The following B3GALT1 variants were observed in gnomAD, a reference collection of about 807,000 sequenced individuals.
B3GALT1 encodes the protein UDP-Gal:betaGlcNAc beta 1,3-galactosyltransferase, polypeptide 1.
Under a neutral mutation model 23.2 loss-of-function variants are expected in B3GALT1, and 10 were observed. The ratio of observed to expected loss-of-function variants is 0.43; its 90% confidence interval spans 0.27 to 0.73. The LOEUF (loss-of-function observed/expected upper bound fraction) is 0.73. Among genes scored for constraint, B3GALT1 ranks in the 30% least tolerant of loss-of-function variants. The pLI, the probability that B3GALT1 is intolerant of heterozygous loss-of-function variation, is 0.21. For missense variants in B3GALT1, 299 were observed against 405.4 expected (o/e 0.74, Z 2.25); for synonymous variants, 156 against 141.5 (o/e 1.10, Z -0.73).
At chr2:167,364,180 A>AG (rs1574049714) in intron 1 of B3GALT1, among the ~76,000 whole-genome samples, 1 of 150,626 alleles carries the variant, frequency 6.6e-6, no homozygotes, top group Admixed American at 6.6e-5. Flanking sequence ...AAAAAAAAAA[A>AG]AAAAAAGGAA....
In B3GALT1 at chr2:167,319,886, T is replaced by C. The variant is rs944235772; in HGVS notation, c.-511+26552T>C. On this transcript the variant is annotated intron_variant, in intron 1 of 4. Coordinates refer to ENST00000392690, the MANE Select transcript of B3GALT1 (RefSeq NM_020981.4). Reference sequence around the variant, plus strand: ...AGTAAGCTAGTGAATTAGTTCAATATTCAGGCGAGAACACAGGCTCAGTAG... The same window carrying C: ...AGTAAGCTAGTGAATTAGTTCAATACTCAGGCGAGAACACAGGCTCAGTAG... 2.6e-5 allele frequency among the ~76,000 whole-genome samples: 4 copies of C among 152,092 alleles called. No individual in the cohort carries two copies. In the East Asian group the frequency reaches 7.7e-4, roughly 29 times the overall value.
chr2:167,430,778 T>G (rs1698694568), intron 1 of B3GALT1, among the ~76,000 whole-genome samples: 1 of 152,130 alleles, frequency 6.6e-6, no homozygotes, highest in Non-Finnish European at 1.5e-5. Context: ...ATCAACATTA[T>G]CATCATTATT....
rs1411777602 is a variant in B3GALT1, at chr2:167,577,036, CCTCT to C, written c.-409-69866_-409-69863del. Among the ~76,000 whole-genome samples, 11 of 151,642 alleles carry C rather than the reference CCTCT, an allele frequency of 7.3e-5. 1 individual carries two copies. The highest frequency in any genetic ancestry group is 1.5e-5 in the Non-Finnish European group (1 of 67,762). ...TCTAGGACTTTCATCACATCATTGT[CCTCT>C]CTCTCTTTTTTCCTCCTCTCCCCAT... On this transcript the variant is annotated intron_variant, in intron 2 of 4. Transcript: ENST00000392690.
At chr2:167,457,984 T>C (rs1011554401) in intron 1 of B3GALT1, among the ~76,000 whole-genome samples, 6 of 152,206 alleles carry the variant, frequency 3.9e-5, no homozygotes, top group African/African-American at 1.4e-4. Flanking sequence ...AAATTTGCCA[T>C]GTTAACAATT....
At chr2:167,496,641 C>T (rs541973204) in intron 2 of B3GALT1, among the ~76,000 whole-genome samples, 102 of 152,208 alleles carry the variant, frequency 6.7e-4, no homozygotes, top group Admixed American at 1.7e-3. Context: ...CAGGGTGTTA[C>T]GGACTGAAGT....
At chr2:167,794,407 G>A (rs1432006198) in intron 3 of B3GALT1, among the ~76,000 whole-genome samples, 1 of 152,180 alleles carries the variant, frequency 6.6e-6, no homozygotes, top group Non-Finnish European at 1.5e-5. Flanking sequence ...TTGATTTACT[G>A]TTGCATAAAA....
chr2:167,651,271 T>TGTGC (rs1182837115), intron 3 of B3GALT1, among the ~76,000 whole-genome samples: 12 of 18,448 alleles, frequency 6.5e-4, no homozygotes, highest in African/African-American at 1.0e-3. Context: ...TGTGTGTGTG[T>TGTGC]GCGCGCACGT....
intron 3 of B3GALT1, among the ~76,000 whole-genome samples, chr2:167,703,990 G>C (rs1404246944): frequency 6.6e-6 from 1 of 151,908 alleles, no homozygotes; most frequent in Non-Finnish European, 1.5e-5. Context: ...GACCTTCCTG[G>C]CTAACACGGT....
chr2:167,297,836 C>T (rs1696379330), intron 1 of B3GALT1, among the ~76,000 whole-genome samples: 1 of 152,016 alleles, frequency 6.6e-6, no homozygotes, highest in African/African-American at 2.4e-5. Context: ...TGAATTAGTG[C>T]CAACTTATTC....
chr2:167,468,546 C>T (rs1487581619), intron 1 of B3GALT1, among the ~76,000 whole-genome samples: 1 of 152,132 alleles, frequency 6.6e-6, no homozygotes, highest in South Asian at 2.1e-4. Flanking sequence ...ATTTTTCCAA[C>T]TTGACAAAGT....
intron 3 of B3GALT1, among the ~76,000 whole-genome samples, chr2:167,792,790 G>A (rs1688464875): frequency 6.6e-6 from 1 of 151,940 alleles, no homozygotes; most frequent in Non-Finnish European, 1.5e-5. Context: ...CAGACAGGGA[G>A]GTCAGTTAGA....
At chr2:167,710,140 A>C (rs1292447141) in intron 3 of B3GALT1, among the ~76,000 whole-genome samples, 1 of 152,226 alleles carries the variant, frequency 6.6e-6, no homozygotes. Flanking sequence ...GTAGACTTAA[A>C]TGTTCAAGCA....
intron 4 of B3GALT1, among the ~76,000 whole-genome samples, chr2:167,858,494 G>A (rs1690041185): frequency 6.6e-6 from 1 of 152,042 alleles, no homozygotes; most frequent in African/African-American, 2.4e-5. Flanking sequence ...TTATGTTCAT[G>A]TAGCACCATT....
chr2:167,839,468 C>A (rs1387195833), intron 4 of B3GALT1, among the ~76,000 whole-genome samples: 5 of 152,210 alleles, frequency 3.3e-5, no homozygotes, highest in Admixed American at 1.3e-4. Flanking sequence ...ATCCAACTTA[C>A]AAGGGATGTG....
intron 3 of B3GALT1, among the ~76,000 whole-genome samples, chr2:167,687,426 C>T (rs1686636361): frequency 6.6e-6 from 1 of 151,940 alleles, no homozygotes; most frequent in South Asian, 2.1e-4. Flanking sequence ...TCATTCAAGT[C>T]TATTAGAAAA....
At chr2:167,658,872 G>GATTTGTGT (rs2105470593) in intron 3 of B3GALT1, among the ~76,000 whole-genome samples, 1 of 152,154 alleles carries the variant, frequency 6.6e-6, no homozygotes, top group East Asian at 1.9e-4. Flanking sequence ...AGGCCATGTA[G>GATTTGTGT]ATTTGTGTAT....
chr2:167,591,351 C>T (rs1472325450), intron 2 of B3GALT1, among the ~76,000 whole-genome samples: 1 of 152,098 alleles, frequency 6.6e-6, no homozygotes, highest in East Asian at 1.9e-4. Context: ...CGAGGTTACA[C>T]GGATAGTGAG....
At chr2:167,853,573 TAATA>T (rs1689944960) in intron 4 of B3GALT1, among the ~76,000 whole-genome samples, 1 of 152,162 alleles carries the variant, frequency 6.6e-6, no homozygotes, top group Non-Finnish European at 1.5e-5. Flanking sequence ...ATTATAATGT[TAATA>T]AATGTTAATA....
intron 1 of B3GALT1, among the ~76,000 whole-genome samples, chr2:167,380,702 A>G (rs1697836543): frequency 6.6e-6 from 1 of 151,978 alleles, no homozygotes; most frequent in Non-Finnish European, 1.5e-5. Flanking sequence ...CCTCTCCCCA[A>G]GTTTGTTCCA....
Sources: allele counts gnomAD v4.1 joint callset (sites outside exome capture counted in the v4.1 genomes callset), GRCh38; gene constraint gnomAD v4.1.1; transcripts MANE v1.5; gene names NCBI Gene and HGNC (gene_info 2026-07-23, HGNC 2026-07-21).